The following SYN2 variants were observed in gnomAD, a reference collection of about 807,000 sequenced individuals.
The protein encoded by SYN2 is synapsin II.
In SYN2, 19 loss-of-function variants were observed where a neutral mutation model predicts 50.9. That is an observed-to-expected ratio of 0.37 (90% CI 0.26 to 0.55). The LOEUF is 0.55. SYN2 is among the 20% of genes least tolerant of loss of function. SYN2 has a pLI of 0.81. For synonymous variants in SYN2, 255 were observed against 224.9 expected (o/e 1.13, Z -1.20); for missense variants, 587 against 576.4 (o/e 1.02, Z -0.19).
At chr3:12,007,175 G>A (rs1197936157) in intron 1 of SYN2, among the ~76,000 whole-genome samples, 1 of 152,220 alleles carries the variant, frequency 6.6e-6, no homozygotes, top group East Asian at 1.9e-4. Context: ...ATAAACTAGA[G>A]AATTTGCCTT....
At chr3:12,026,514 A>G (rs997628030) in intron 1 of SYN2, among the ~76,000 whole-genome samples, 2 of 152,170 alleles carry the variant, frequency 1.3e-5, no homozygotes, top group African/African-American at 4.8e-5. Context: ...AGGATTAACA[A>G]CAAAGGCGGC....
At chr3:12,125,731 C>T (rs1696654288) in intron 1 of SYN2, among the ~76,000 whole-genome samples, 1 of 151,096 alleles carries the variant, frequency 6.6e-6, no homozygotes, top group African/African-American at 2.4e-5. Flanking sequence ...ACAGGATGGA[C>T]ATGGACAAGA....
At chr3:12,066,843 G>GA in intron 1 of SYN2, among the ~76,000 whole-genome samples, 1 of 151,060 alleles carries the variant, frequency 6.6e-6, no homozygotes, top group African/African-American at 2.4e-5. Context: ...CACATGGCTG[G>GA]GGGGGGCCTC....
chr3:12,069,678 C>A (rs1487012040), intron 1 of SYN2, among the ~76,000 whole-genome samples: 1 of 152,156 alleles, frequency 6.6e-6, no homozygotes, highest in Non-Finnish European at 1.5e-5. Flanking sequence ...TACATTTCCA[C>A]CAGCAGTTTG....
rs1479073433 is a variant in SYN2, at chr3:12,151,311, C to A, written c.759C>A (p.Pro253=). 1.2e-6 allele frequency: 2 copies of A among 1,613,104 alleles called. No homozygotes were observed. The highest frequency in any genetic ancestry group is 2.2e-5 in the South Asian group (2 of 90,756). Residue 253 remains proline, a synonymous_variant, in exon 5 of 13, where the codon CCC becomes CCA. Coordinates refer to ENST00000621198, the MANE Select transcript of SYN2 (RefSeq NM_133625.6). ...CTCTCATTGAACAGACATACTACCC[C>A]AACCACAAAGAGATGGTAAGTGGCT... is the stretch of plus-strand genomic sequence containing the variant. ...KFPLIEQTYY[P]NHKEMLTLPT... is the part of the protein sequence containing the mutation.
intron 11 of SYN2, among the ~76,000 whole-genome samples, chr3:12,186,563 T>C (rs1474888824): frequency 1.3e-5 from 2 of 152,176 alleles, no homozygotes; most frequent in Non-Finnish European, 2.9e-5. Context: ...GAGAGGTTCA[T>C]CCTGCTAGAA....
At chr3:12,113,242 A>C (rs1056616852) in intron 1 of SYN2, among the ~76,000 whole-genome samples, 1 of 152,172 alleles carries the variant, frequency 6.6e-6, no homozygotes, top group African/African-American at 2.4e-5. Flanking sequence ...AGAAGAGTGT[A>C]CGTATGTAAC....
chr3:12,183,574 T>G, intron 11 of SYN2: 1 of 1,498,722 alleles, frequency 6.7e-7, no homozygotes, highest in South Asian at 1.3e-5. Context: ...ACTGTGTTTT[T>G]CCTATGCAGT....
intron 5 of SYN2, chr3:12,159,465 G>C (rs537876415): frequency 6.6e-6 from 1 of 152,560 alleles, no homozygotes; most frequent in South Asian, 2.1e-4. Context: ...GAACAGGACA[G>C]AGAAAGTTGG....
chr3:12,110,142 T>C (rs1696281467), intron 1 of SYN2, among the ~76,000 whole-genome samples: 1 of 152,194 alleles, frequency 6.6e-6, no homozygotes, highest in South Asian at 2.1e-4. Context: ...GAGCTGTGAT[T>C]GTGCCACTGT....
rs550188890 is a variant in SYN2 at position 12,125,167 on chromosome 3, A to G, written c.378-15484A>G. Among the ~76,000 whole-genome samples, 4 of 152,176 alleles carry G rather than the reference A, an allele frequency of 2.6e-5. No individual in the cohort carries two copies. In the East Asian group the frequency reaches 7.8e-4, roughly 29 times the overall value. On this transcript the variant is annotated intron_variant, in intron 1 of 12. Coordinates refer to ENST00000621198, the MANE Select transcript of SYN2 (RefSeq NM_133625.6). ...GTAGCTGGGATTACAGGCGTGTGCC[A>G]CCATGCTTGGCTAATTTTTTGTATC...
intron 1 of SYN2, among the ~76,000 whole-genome samples, chr3:12,077,170 T>C (rs1373633553): frequency 6.6e-6 from 1 of 152,062 alleles, no homozygotes; most frequent in Non-Finnish European, 1.5e-5. Flanking sequence ...TAGGTTAATA[T>C]GTAAAGTTAA....
chr3:12,084,998 GA>G (rs36190055), intron 1 of SYN2, among the ~76,000 whole-genome samples: 2 of 149,972 alleles, frequency 1.3e-5, no homozygotes, highest in African/African-American at 2.4e-5. Flanking sequence ...AATTAACTAG[GA>G]AAAAAAAAAT....
intron 1 of SYN2, among the ~76,000 whole-genome samples, chr3:12,020,429 A>C (rs1381774176): frequency 6.6e-6 from 1 of 150,946 alleles, no homozygotes; most frequent in African/African-American, 2.4e-5. Context: ...CTGGAGTAGA[A>C]GGGCAGTGGG....
intron 9 of SYN2, among the ~76,000 whole-genome samples, chr3:12,169,530 C>CTTGGGGAAAAGA (rs1697887897): frequency 6.6e-6 from 1 of 152,184 alleles, no homozygotes; most frequent in African/African-American, 2.4e-5. Context: ...TCTCACTGAG[C>CTTGGGGAAAAGA]CCTGGCACGG....
rs549573228 is a variant in SYN2 at position 12,137,560 on chromosome 3, A to G, written c.378-3091A>G. ...CTAGAAATCTAATGTGCTCACCAATATATAATGCCAATGCCAATACATGTT... is the reference window on the plus strand; with the variant it reads ...CTAGAAATCTAATGTGCTCACCAATGTATAATGCCAATGCCAATACATGTT... On this transcript the variant is annotated intron_variant, in intron 1 of 12. Coordinates refer to ENST00000621198, the MANE Select transcript of SYN2 (RefSeq NM_133625.6). 1.4e-3 allele frequency among the ~76,000 whole-genome samples: 205 copies of G among 150,952 alleles called. 1 individual carries two copies. The highest frequency in any genetic ancestry group is 2.4e-3 in the Non-Finnish European group (163 of 68,032).
In SYN2 at chr3:12,162,160, T is replaced by A. The variant is rs761493609; in HGVS notation, c.980+6T>A. 2 of 1,613,720 alleles carry A rather than the reference T, an allele frequency of 1.2e-6. No individual in the cohort carries two copies. Among genetic ancestry groups the A allele is most frequent in the Non-Finnish European group, 1.7e-6 (2 of 1,179,788 alleles). Reference sequence around the variant, plus strand: ...AACAACTACAAGGCTTACATGTGAGTAAGAGTGGGGTATGTTTTCTCCTCA... The same window carrying A: ...AACAACTACAAGGCTTACATGTGAGAAAGAGTGGGGTATGTTTTCTCCTCA... On this transcript the variant is annotated splice_donor_region_variant and intron_variant, in intron 7 of 12. Transcript: ENST00000621198.
At chr3:12,034,525 C>T (rs1035134572) in intron 1 of SYN2, among the ~76,000 whole-genome samples, 15 of 152,148 alleles carry the variant, frequency 9.9e-5, no homozygotes, top group Non-Finnish European at 1.5e-4. Flanking sequence ...ACATGTTTCT[C>T]ACAGTTGTGG....
rs1439652637 is a variant in SYN2, at chr3:12,146,525, C to T, written c.684+690C>T. Among the ~76,000 whole-genome samples the T allele has an allele frequency of 3.3e-5, 5 of 152,160 alleles. 1 individual carries two copies. In the South Asian group the frequency reaches 1.0e-3, roughly 32 times the overall value. On this transcript the variant is annotated intron_variant, in intron 4 of 12. Coordinates refer to ENST00000621198, the MANE Select transcript of SYN2 (RefSeq NM_133625.6). ...TTAATTTCATTTAATCCTCACCTTA[C>T]AAGGAAGATATCATTATTGTCACTT...
Sources: gnomAD v4.1 joint callset for allele counts (sites outside exome capture counted in the v4.1 genomes callset) on GRCh38, gnomAD v4.1.1 for gene constraint, MANE v1.5 for transcripts, NCBI Gene and HGNC (gene_info 2026-07-23, HGNC 2026-07-21) for gene names.